Variants in ESD observed in about 807,000 individuals in gnomAD.
ESD encodes esterase D.
A neutral mutation model predicts 38.1 loss-of-function variants in ESD; 34 were observed. The ratio of observed to expected loss-of-function variants is 0.89; its 90% CI spans 0.68 to 1.19. The LOEUF (loss-of-function observed/expected upper bound fraction) is 1.19, where lower values mean the gene tolerates loss of function less well. Ranked by LOEUF, ESD falls within the 50% of genes most tolerant of loss-of-function variation. The pLI is 0.00. For missense variants in ESD, 334 were observed against 327.2 expected (o/e 1.02, Z -0.16); for synonymous variants, 97 against 107.0 (o/e 0.91, Z 0.58).
chr13:46,787,034 C>G lies in ESD; in HGVS notation c.144G>C (p.Leu48=). ...CATAATACTTACCTGAGAGCCAATACAGTGCAGGGCACTTTCCTGTTTCTG... is the reference window on the plus strand; with the variant it reads ...CATAATACTTACCTGAGAGCCAATAGAGTGCAGGGCACTTTCCTGTTTCTG... ...PKAETGKCPA[L]YWLSGLTCTE... The change falls in exon 4 of 10, where the codon CTG becomes CTC. Residue 48 remains leucine (L), a synonymous_variant. Coordinates refer to ENST00000378720, the MANE Select transcript of ESD (RefSeq NM_001984.2). 1 of 1,542,358 alleles carries G rather than the reference C, an allele frequency of 6.5e-7. No individual in the cohort carries two copies. The highest frequency in any genetic ancestry group is 8.8e-7 in the Non-Finnish European group (1 of 1,136,094).
At chr13:46,776,314 A>C (rs1306585167) in intron 9 of ESD, 3 of 152,220 alleles carry the variant, frequency 2.0e-5, no homozygotes, top group Non-Finnish European at 4.4e-5. Context: ...CCCTAAAAAC[A>C]GGAAGACTGC....
At chr13:46,774,291 A>G (rs1326692414) in intron 9 of ESD, among the ~76,000 whole-genome samples, 1 of 152,208 alleles carries the variant, frequency 6.6e-6, no homozygotes, top group Non-Finnish European at 1.5e-5. Flanking sequence ...AATGCCTGCC[A>G]TTGAGGGCCC....
At chr13:46,787,848 A>G (rs960831713) in intron 3 of ESD, among the ~76,000 whole-genome samples, 1 of 151,926 alleles carries the variant, frequency 6.6e-6, no homozygotes, top group African/African-American at 2.4e-5. Context: ...CTCATTTTCC[A>G]TATTCCAGAG....
chr13:46,797,524 CGTGTCACTTAT>C (rs3831338), upstream of ESD, among the ~76,000 whole-genome samples: 68,802 of 151,780 alleles, frequency 0.45, 15,829 homozygotes, highest in Middle Eastern at 0.49. Flanking sequence ...AGAGGGTTTC[CGTGTCACTTAT>C]GTAGAAACTA....
upstream of ESD, among the ~76,000 whole-genome samples, chr13:46,797,501 G>C (rs1404801216): frequency 6.6e-6 from 1 of 152,192 alleles, no homozygotes; most frequent in African/African-American, 2.4e-5. Flanking sequence ...ATGTAGCTTC[G>C]CTTAACTCGT....
intron 1 of ESD, among the ~76,000 whole-genome samples, chr13:46,796,747 C>A (rs1195130427): frequency 6.6e-6 from 1 of 152,238 alleles, no homozygotes; most frequent in Non-Finnish European, 1.5e-5. Flanking sequence ...CCTTAAAATG[C>A]GTACACATCT....
intron 7 of ESD, among the ~76,000 whole-genome samples, chr13:46,780,453 T>C (rs1874959590): frequency 6.6e-6 from 1 of 151,734 alleles, no homozygotes; most frequent in Non-Finnish European, 1.5e-5. Context: ...CAGTGAGCAA[T>C]GCATTTCAAT....
At chr13:46,789,041 A>G (rs1306784904) in intron 3 of ESD, among the ~76,000 whole-genome samples, 1 of 152,142 alleles carries the variant, frequency 6.6e-6, no homozygotes, top group Non-Finnish European at 1.5e-5. Flanking sequence ...GGCTAGTGGG[A>G]CTGAAGTTTT....
At chr13:46,794,157 C>CAAA (rs59985081) in intron 1 of ESD, among the ~76,000 whole-genome samples, 1 of 146,242 alleles carries the variant, frequency 6.8e-6, no homozygotes, top group African/African-American at 2.6e-5. Flanking sequence ...CCTTCCCCTC[C>CAAA]AAAAAACAAC....
At chr13:46,780,929 C>A (rs749475080) in intron 7 of ESD, among the ~76,000 whole-genome samples, 7 of 151,720 alleles carry the variant, frequency 4.6e-5, no homozygotes, top group Non-Finnish European at 1.0e-4. Context: ...CTTCCTTATT[C>A]AACTCTTGTA....
intron 3 of ESD, among the ~76,000 whole-genome samples, 187 bp from the exon 4 acceptor site, chr13:46,787,296 G>T (rs764562197): frequency 1.3e-5 from 2 of 151,886 alleles, no homozygotes; most frequent in Non-Finnish European, 2.9e-5. Flanking sequence ...AAAGAATGTG[G>T]TCAATTTAGC....
At chr13:46,771,591 T>C (rs1454547085) in intron 9 of ESD, 95 bp from the exon 10 acceptor site, 4 of 737,382 alleles carry the variant, frequency 5.4e-6, no homozygotes, top group Non-Finnish European at 9.0e-6. Context: ...TTAATTTGCT[T>C]ACAAATAGTC....
chr13:46,791,774 T>C (rs1000752977), intron 2 of ESD, among the ~76,000 whole-genome samples: 2 of 152,084 alleles, frequency 1.3e-5, no homozygotes, highest in African/African-American at 4.8e-5. Context: ...GTTAATAGTC[T>C]GCCTATCAAC....
At chr13:46,782,191 G>C (rs879301380) in intron 6 of ESD, among the ~76,000 whole-genome samples, 9 of 151,662 alleles carry the variant, frequency 5.9e-5, no homozygotes, top group African/African-American at 2.2e-4. Flanking sequence ...AAGTGTTTTG[G>C]GGGGGTAACA....
intron 4 of ESD, among the ~76,000 whole-genome samples, chr13:46,785,474 G>A (rs568705945): frequency 2.0e-4 from 30 of 152,110 alleles, no homozygotes; most frequent in African/African-American, 7.2e-4. Context: ...CACTACACAT[G>A]AACTATCTTT....
intron 9 of ESD, among the ~76,000 whole-genome samples, chr13:46,775,232 T>C (rs1874748642): frequency 6.6e-6 from 1 of 151,926 alleles, no homozygotes; most frequent in East Asian, 1.9e-4. Context: ...GAAAAAATTA[T>C]ATAAAATAAT....
intron 1 of ESD, among the ~76,000 whole-genome samples, chr13:46,796,856 C>T (rs771971216): frequency 3.3e-5 from 5 of 152,256 alleles, no homozygotes; most frequent in Non-Finnish European, 5.9e-5. Context: ...CGGGCGCTCG[C>T]CCCGGGTTAC....
At chr13:46,792,126 T>A (rs535622851) in intron 2 of ESD, among the ~76,000 whole-genome samples, 1 of 152,238 alleles carries the variant, frequency 6.6e-6, no homozygotes, top group South Asian at 2.1e-4. Flanking sequence ...TTGCTTTTAA[T>A]GATAAATACA....
intron 9 of ESD, among the ~76,000 whole-genome samples, chr13:46,773,140 G>A (rs112310274): frequency 0.01 from 1,545 of 152,180 alleles, 28 homozygotes; most frequent in African/African-American, 0.036. Context: ...GTCTATCACC[G>A]ATGGGTACTT....
Sources: allele counts gnomAD v4.1 joint callset (sites outside exome capture counted in the v4.1 genomes callset), GRCh38; gene constraint gnomAD v4.1.1; transcripts MANE v1.5; gene names NCBI Gene and HGNC (gene_info 2026-07-23, HGNC 2026-07-21).